TENM1: variants seen among roughly 807,000 people sequenced by gnomAD.
TENM1 encodes the protein teneurin-1.
A neutral mutation model predicts 174.8 loss-of-function variants in TENM1; 35 were observed. The ratio of observed to expected loss-of-function variants is 0.20; its 90% confidence interval spans 0.15 to 0.27. The LOEUF is 0.27. TENM1 is among the 10% of genes least tolerant of loss of function. The pLI, the probability that TENM1 is intolerant of heterozygous loss-of-function variation, is 1.00. For missense variants in TENM1, 1,633 were observed against 2,130.1 expected, an observed-to-expected ratio of 0.77 and a Z score of 4.59; for synonymous variants, 781 against 798.7, an observed-to-expected ratio of 0.98 and a Z score of 0.37.
At chrX:124,762,662 A>G (rs2054448736) in intron 3 of TENM1, among the ~76,000 whole-genome samples, 1 of 111,736 alleles carries the variant, frequency 8.9e-6, no homozygotes, top group Non-Finnish European at 1.9e-5. Flanking sequence ...TTCCATTTAT[A>G]TATCATTCCA....
chrX:124,705,068 T>C, exon 5 of TENM1: 1 of 1,211,459 alleles, frequency 8.3e-7, no homozygotes, highest in South Asian at 1.8e-5. Context: ...TGGCGCTCAA[T>C]GCTGTGCACT....
chrX:124,520,222 C>T (rs139873940), intron 18 of TENM1, among the ~76,000 whole-genome samples: 28 of 111,611 alleles, frequency 2.5e-4, no homozygotes, highest in Non-Finnish European at 5.3e-4. Context: ...GAACGCCACA[C>T]CAAAGGTCAC....
At chrX:124,627,718 T>C (rs1011152135) in intron 11 of TENM1, among the ~76,000 whole-genome samples, 4 of 112,221 alleles carry the variant, frequency 3.6e-5, no homozygotes, top group Non-Finnish European at 7.5e-5. Context: ...CTTACCAGTT[T>C]GTTTATAGTT....
At chrX:124,901,431 T>G (rs2057662473) in intron 1 of TENM1, among the ~76,000 whole-genome samples, 1 of 111,937 alleles carries the variant, frequency 8.9e-6, no homozygotes, top group African/African-American at 3.2e-5. Flanking sequence ...GAAGGAAAGT[T>G]ATAGCTATCT....
the TENM1 span, among the ~76,000 whole-genome samples, chrX:125,121,112 T>C: frequency 2.6e-4 from 29 of 111,845 alleles, no homozygotes; most frequent in Admixed American, 1.6e-3. Context: ...TGGAATAGGG[T>C]ACCTGATATT....
At chrX:125,071,042 C>T in the TENM1 span, among the ~76,000 whole-genome samples, 1 of 111,334 alleles carries the variant, frequency 9.0e-6, no homozygotes, top group Non-Finnish European at 1.9e-5. Context: ...ATTTGCCTTC[C>T]TTTTACCATT....
At chrX:124,890,839 A>C (rs999998367) in intron 3 of TENM1, among the ~76,000 whole-genome samples, 7 of 111,948 alleles carry the variant, frequency 6.3e-5, no homozygotes, top group African/African-American at 1.3e-4. Flanking sequence ...GTATACATGC[A>C]AAAGAAAGGA....
At chrX:124,988,884 A>G in the TENM1 span, among the ~76,000 whole-genome samples, 2 of 111,747 alleles carry the variant, frequency 1.8e-5, no homozygotes, top group Admixed American at 9.5e-5. Flanking sequence ...AAAACCTTTC[A>G]GCTACCTGGG....
intron 5 of TENM1, among the ~76,000 whole-genome samples, chrX:124,674,360 C>A (rs1282677245): frequency 1.1e-5 from 1 of 93,867 alleles, no homozygotes; most frequent in Non-Finnish European, 2.1e-5. Flanking sequence ...TTTCGTATTT[C>A]TCTTTGTGTT....
chrX:124,923,795 T>G lies in TENM1; in HGVS notation c.218-27554A>C, dbSNP rs1045418733. Among the ~76,000 whole-genome samples, 18 of 111,762 alleles carry G rather than the reference T, an allele frequency of 1.6e-4. No homozygotes were observed. In the Admixed American group the frequency reaches 1.7e-3, roughly 11 times the overall value. ...GCTTTGAAGATGGAGGAAGAGATCA[T>G]GAGCCAAAGAATATGAGCAGCCTCT... On this transcript the variant is annotated intron_variant, in intron 1 of 31. Coordinates refer to ENST00000422452, the Ensembl canonical transcript of TENM1.
the TENM1 span, among the ~76,000 whole-genome samples, chrX:125,065,560 C>T: frequency 8.9e-6 from 1 of 112,245 alleles, no homozygotes; most frequent in Non-Finnish European, 1.9e-5. Flanking sequence ...ATTCCCAGAA[C>T]CTTCAGTTCT....
At chrX:124,718,836 CA>C (rs756915836) in intron 4 of TENM1, among the ~76,000 whole-genome samples, 17 of 112,028 alleles carry the variant, frequency 1.5e-4, no homozygotes, top group African/African-American at 5.5e-4. Context: ...GAATGTTTCT[CA>C]AACTGGCTAC....
At chrX:124,810,165 T>G (rs976602989) in intron 3 of TENM1, among the ~76,000 whole-genome samples, 4 of 111,720 alleles carry the variant, frequency 3.6e-5, no homozygotes, top group Non-Finnish European at 7.5e-5. Flanking sequence ...AAGACAGGGA[T>G]GCCCACTCTC....
chrX:124,889,726 G>T (rs1014064481), intron 3 of TENM1, among the ~76,000 whole-genome samples: 1 of 111,457 alleles, frequency 9.0e-6, no homozygotes, highest in African/African-American at 3.3e-5. Flanking sequence ...CATATAAAAT[G>T]AGGTATCCAT....
At chrX:125,104,058 G>A in the TENM1 span, among the ~76,000 whole-genome samples, 2 of 111,853 alleles carry the variant, frequency 1.8e-5, no homozygotes, top group Non-Finnish European at 3.8e-5. Flanking sequence ...AAATATAAAC[G>A]AATCAGCAAT....
At chrX:124,982,235 C>T in the TENM1 span, among the ~76,000 whole-genome samples, 2 of 42,704 alleles carry the variant, frequency 4.7e-5, 1 homozygote, top group Non-Finnish European at 7.5e-5. Context: ...TGAAATTAGA[C>T]TCCACTATGC....
chrX:125,112,902 C>A, the TENM1 span, among the ~76,000 whole-genome samples: 2 of 110,690 alleles, frequency 1.8e-5, no homozygotes, highest in Non-Finnish European at 3.8e-5. Flanking sequence ...GAATTCTAAG[C>A]AAACCCAGTC....
At chrX:124,762,112 G>T (rs937209851) in intron 3 of TENM1, among the ~76,000 whole-genome samples, 4 of 111,741 alleles carry the variant, frequency 3.6e-5, no homozygotes, top group Non-Finnish European at 7.5e-5. Flanking sequence ...AAAGATAGCT[G>T]CTTCCTCGTT....
At chrX:125,069,310 T>C in the TENM1 span, among the ~76,000 whole-genome samples, 1 of 111,993 alleles carries the variant, frequency 8.9e-6, no homozygotes, top group East Asian at 2.8e-4. Flanking sequence ...GCTCCATCCA[T>C]GTTGCTACAA....
Sources: allele counts gnomAD v4.1 joint callset (sites outside exome capture counted in the v4.1 genomes callset), GRCh38; gene constraint gnomAD v4.1.1; transcripts MANE v1.5; gene names NCBI Gene and HGNC (gene_info 2026-07-23, HGNC 2026-07-21).